Variants in C14orf39 observed in about 807,000 individuals in gnomAD.
C14orf39 encodes protein SIX6OS1.
Under a neutral mutation model 85.6 loss-of-function variants are expected in C14orf39, and 66 were observed. The observed-to-expected ratio is 0.77, with a 90% CI of 0.63 to 0.95. The LOEUF is 0.95. Ranked by LOEUF, C14orf39 falls within the 40% of genes least tolerant of loss-of-function variation. C14orf39 has a pLI of 0.00. For synonymous variants in C14orf39, 242 were observed against 214.0 expected, an observed-to-expected ratio of 1.13 and a Z score of -1.14; for missense variants, 735 against 663.9, an observed-to-expected ratio of 1.11 and a Z score of -1.18.
chr14:60,501,753 G>A (rs954872694), intron 1 of C14orf39, among the ~76,000 whole-genome samples: 4 of 152,148 alleles, frequency 2.6e-5, no homozygotes, highest in Admixed American at 6.5e-5. Flanking sequence ...CCTATTGCTT[G>A]GAAAGTTTCG....
In C14orf39 at chr14:60,515,088, C is replaced by T. The variant is rs899090164; in HGVS notation, c.-144+307G>A. ...AGGGGAGAAGGGGTCATTGTCCGCG[C>T]GCTGGCCCGGGCGCCGAGGCGTGTC... On this transcript the variant is annotated intron_variant, in intron 1 of 5. Coordinates refer to the C14orf39 transcript ENST00000556799. This position sits in a 1 kb window ranked among gnomAD's most constrained non-coding sequence, Gnocchi z 6.2. 3.3e-5 allele frequency: 5 copies of T among 152,180 alleles called. No individual in the cohort carries two copies. The highest frequency in any genetic ancestry group is 9.7e-5 in the African/African-American group (4 of 41,436). The allele number at this position is 152,180 out of a possible 1,614,324, so 9.4% of individuals were successfully genotyped here.
upstream of C14orf39, among the ~76,000 whole-genome samples, chr14:60,486,784 G>T (rs1196977467): frequency 6.6e-6 from 1 of 152,166 alleles, no homozygotes; most frequent in Non-Finnish European, 1.5e-5. Flanking sequence ...GAAAAAGAAG[G>T]TTTCAGAAGT....
At position 60,462,712 on chromosome 14, in the gene C14orf39, C is replaced by A. The variant is rs571562825; in HGVS notation, c.973-1119G>T. On this transcript the variant is annotated intron_variant, in intron 11 of 17. Transcript: ENST00000321731. ...CCACGGCCTGCAGGCTGCATGCAGTCCAAAACGGCTCTGACTGCGGCCCAA... is the reference window on the plus strand; with the variant it reads ...CCACGGCCTGCAGGCTGCATGCAGTACAAAACGGCTCTGACTGCGGCCCAA... Among the ~76,000 whole-genome samples, 3 of 152,176 alleles carry A rather than the reference C, an allele frequency of 2.0e-5. No homozygotes were observed. The South Asian group carries it at 6.2e-4, about 32-fold the overall frequency.
chr14:60,491,021 T>A (rs1437324838), upstream of C14orf39, among the ~76,000 whole-genome samples: 1 of 152,138 alleles, frequency 6.6e-6, no homozygotes, highest in Admixed American at 6.6e-5. The surrounding 1 kb of genome is among the most constrained non-coding windows in gnomAD (Gnocchi z 4.5). Flanking sequence ...AACATAAGAA[T>A]TGGATTTAAA....
At chr14:60,499,032 G>C (rs1386510695) in intron 2 of C14orf39, among the ~76,000 whole-genome samples, 1 of 152,144 alleles carries the variant, frequency 6.6e-6, no homozygotes, top group South Asian at 2.1e-4. Context: ...GCCAAGGTAG[G>C]CGGATCACCT....
chr14:60,507,274 C>A (rs916675705), intron 1 of C14orf39, among the ~76,000 whole-genome samples: 1 of 152,202 alleles, frequency 6.6e-6, no homozygotes, highest in Non-Finnish European at 1.5e-5. Context: ...CCTCCCGGGT[C>A]CGGCTTCATC....
At chr14:60,458,819 G>C in intron 13 of C14orf39, 80 bp from the exon 14 acceptor site, 1 of 1,214,242 alleles carries the variant, frequency 8.2e-7, no homozygotes, top group South Asian at 1.4e-5. Flanking sequence ...ATTTGAAATT[G>C]CTAATATTTA....
intron 16 of C14orf39, among the ~76,000 whole-genome samples, chr14:60,453,552 T>G (rs575726164): frequency 6.6e-6 from 1 of 152,036 alleles, no homozygotes; most frequent in South Asian, 2.1e-4. Flanking sequence ...AAAATATAAT[T>G]ATTAAAAAGC....
chr14:60,480,621 C>T (rs910852113), intron 4 of C14orf39, among the ~76,000 whole-genome samples: 12 of 151,988 alleles, frequency 7.9e-5, no homozygotes, highest in Non-Finnish European at 1.6e-4. Context: ...CCAAAGGAAA[C>T]GAAATCAGTA....
At chr14:60,509,244 C>A in intron 1 of C14orf39, 1 of 684,398 alleles carries the variant, frequency 1.5e-6, no homozygotes, top group South Asian at 1.7e-5. Flanking sequence ...GTCGTCCGCT[C>A]CCGGCCGTTG....
intron 5 of C14orf39, among the ~76,000 whole-genome samples, chr14:60,473,486 T>C (rs926829573): frequency 6.6e-6 from 1 of 152,174 alleles, no homozygotes; most frequent in African/African-American, 2.4e-5. Context: ...GCCCAGCCTA[T>C]GACCTGAATG....
chr14:60,474,210 T>C (rs972990749), intron 5 of C14orf39, among the ~76,000 whole-genome samples: 2 of 152,166 alleles, frequency 1.3e-5, no homozygotes, highest in Admixed American at 6.5e-5. Context: ...TTGTCTGTTA[T>C]TGGTGTATAA....
chr14:60,512,570 A>G (rs371063295), intron 1 of C14orf39: 4 of 152,374 alleles, frequency 2.6e-5, no homozygotes, highest in African/African-American at 7.2e-5. Flanking sequence ...TGTAGAAATA[A>G]CTGGCATTTT....
intron 5 of C14orf39, among the ~76,000 whole-genome samples, chr14:60,473,694 T>C (rs1308233473): frequency 1.3e-5 from 2 of 152,248 alleles, no homozygotes; most frequent in African/African-American, 4.8e-5. Context: ...GTCAGGGTTG[T>C]CAAAGATCAG....
intron 7 of C14orf39, among the ~76,000 whole-genome samples, chr14:60,471,024 G>C (rs879189370): frequency 6.6e-6 from 1 of 151,916 alleles, no homozygotes; most frequent in South Asian, 2.1e-4. Flanking sequence ...ATCGTCTTCA[G>C]TATTGCCTGG....
chr14:60,498,079 A>G (rs957676634), intron 2 of C14orf39, among the ~76,000 whole-genome samples: 1 of 151,354 alleles, frequency 6.6e-6, no homozygotes, highest in Non-Finnish European at 1.5e-5. Context: ...ATTTCTAAGT[A>G]TCAAAGTCAA....
chr14:60,445,878 C>A (rs1595443090), intron 16 of C14orf39, among the ~76,000 whole-genome samples: 1 of 152,150 alleles, frequency 6.6e-6, no homozygotes, highest in Admixed American at 6.5e-5. Context: ...GACCACAGTG[C>A]AATCAAATTA....
intron 2 of C14orf39, chr14:60,495,214 C>T (rs546778360): frequency 7.5e-5 from 15 of 201,190 alleles, no homozygotes; most frequent in Admixed American, 1.4e-4. Flanking sequence ...GTGGCAAATG[C>T]GACATTCATT....
chr14:60,455,542 T>C (rs1891232571), intron 15 of C14orf39, among the ~76,000 whole-genome samples: 1 of 152,030 alleles, frequency 6.6e-6, no homozygotes, highest in South Asian at 2.1e-4. Context: ...CTTCAAGATT[T>C]TGAATGCCAG....
Sources: gnomAD v4.1 joint callset for allele counts (sites outside exome capture counted in the v4.1 genomes callset) on GRCh38, gnomAD v4.1.1 for gene constraint, Gnocchi (gnomAD v3.1) non-coding constraint, MANE v1.5 for transcripts, NCBI Gene and HGNC (gene_info 2026-07-23, HGNC 2026-07-21) for gene names.